Variants in DPP10 observed in about 807,000 individuals in gnomAD.
The protein encoded by DPP10 is dipeptidyl peptidase like 10.
A neutral mutation model predicts 120.9 loss-of-function variants in DPP10; 33 were observed. The observed-to-expected ratio is 0.27, with a 90% CI of 0.21 to 0.37. The LOEUF (loss-of-function observed/expected upper bound fraction) is 0.37, where lower values mean the gene tolerates loss of function less well. DPP10 is among the 10% of genes least tolerant of loss of function. The probability of loss-of-function intolerance (pLI) is 1.00; values close to 1 mark genes in which losing one functional copy is unlikely to be tolerated. For missense variants in DPP10, 816 were observed against 942.8 expected (o/e 0.87, Z 1.76); for synonymous variants, 337 against 326.1 (o/e 1.03, Z -0.36).
intron 1 of DPP10, among the ~76,000 whole-genome samples, chr2:114,694,077 G>T (rs1010158197): frequency 2.0e-5 from 3 of 151,934 alleles, no homozygotes; most frequent in Non-Finnish European, 2.9e-5. Context: ...TCAGACAGTA[G>T]GGTAAGATAG....
At position 115,279,655 on chromosome 2, in the gene DPP10, CTTTTTTT is replaced by C. The variant is rs70941039; in HGVS notation, c.61-29563_61-29557del. ...TTTCTTTCTTTCTTTTTTTCTTCTT[CTTTTTTT>C]TTTTTTTTTTTTTTTTTTTTGGAGA... On this transcript the variant is annotated intron_variant, in intron 1 of 25. Transcript: ENST00000410059. Among the ~76,000 whole-genome samples the C allele has an allele frequency of 7.3e-4, 31 of 42,716 alleles. No individual in the cohort carries two copies. The East Asian group carries it at 0.021, about 29-fold the overall frequency. 28.0% of individuals were successfully genotyped at this position (42,716 alleles called of 152,430 possible).
chr2:115,378,851 C>T (rs1463271826), intron 3 of DPP10, among the ~76,000 whole-genome samples: 15 of 152,164 alleles, frequency 9.9e-5, no homozygotes, highest in African/African-American at 3.4e-4. Flanking sequence ...TGCTGGATTA[C>T]TTTTATTGAT....
At chr2:114,881,413 T>G (rs1335956496) in intron 1 of DPP10, among the ~76,000 whole-genome samples, 2 of 152,114 alleles carry the variant, frequency 1.3e-5, no homozygotes, top group African/African-American at 2.4e-5. Context: ...TTATCTACCA[T>G]TTACCTATCT....
chr2:115,378,097 T>G (rs1052510101), intron 3 of DPP10, among the ~76,000 whole-genome samples: 12 of 152,150 alleles, frequency 7.9e-5, no homozygotes, highest in African/African-American at 2.9e-4. Context: ...AAGAAAGTAA[T>G]TGGTAGCTTG....
At chr2:114,544,493 A>G (rs1687211384) in intron 1 of DPP10, among the ~76,000 whole-genome samples, 3 of 152,328 alleles carry the variant, frequency 2.0e-5, no homozygotes, top group African/African-American at 7.2e-5. Flanking sequence ...TTGGCTAAGG[A>G]TGCTTTAGGG....
chr2:115,266,617 T>G (rs1037128407), intron 1 of DPP10, among the ~76,000 whole-genome samples: 12 of 152,202 alleles, frequency 7.9e-5, no homozygotes. Context: ...GTATGTTGCG[T>G]TTATCCCATA....
intron 1 of DPP10, among the ~76,000 whole-genome samples, chr2:114,466,769 C>G (rs908146559): frequency 1.3e-5 from 2 of 152,126 alleles, no homozygotes; most frequent in Non-Finnish European, 2.9e-5. Context: ...CTTGGCAGGG[C>G]GCGATGGCTC....
intron 12 of DPP10, among the ~76,000 whole-genome samples, chr2:115,764,411 G>A (rs569509135): frequency 1.3e-4 from 19 of 151,846 alleles, no homozygotes; most frequent in African/African-American, 4.6e-4. Context: ...CTTGGTCAAT[G>A]TACAAAATAA....
intron 3 of DPP10, among the ~76,000 whole-genome samples, chr2:115,440,643 G>A (rs1015786989): frequency 6.6e-5 from 10 of 152,058 alleles, no homozygotes; most frequent in African/African-American, 2.4e-4. Flanking sequence ...GAAGGGGAGG[G>A]GGACTCAAAT....
At chr2:114,482,853 C>T (rs1468997930) in intron 1 of DPP10, among the ~76,000 whole-genome samples, 1 of 152,168 alleles carries the variant, frequency 6.6e-6, no homozygotes, top group Non-Finnish European at 1.5e-5. Flanking sequence ...ACCTCTTGCT[C>T]AGTCACCTGG....
At chr2:115,530,788 T>C (rs2148916665) in intron 5 of DPP10, among the ~76,000 whole-genome samples, 1 of 152,270 alleles carries the variant, frequency 6.6e-6, no homozygotes, top group Admixed American at 6.5e-5. Flanking sequence ...ACAAATTGTT[T>C]ATGCTGAGGC....
intron 21 of DPP10, 43 bp downstream of exon 21, chr2:115,815,772 A>G (rs763855706): frequency 1.9e-5 from 30 of 1,546,234 alleles, no homozygotes; most frequent in Non-Finnish European, 2.4e-5. Flanking sequence ...ATGCGTATCT[A>G]TGTTATGTAA....
rs1553444543 is a variant in DPP10, at chr2:114,460,169, A to ATATCTGTC, written c.60+17336_60+17337insGTCTATCT. Among the ~76,000 whole-genome samples the ATATCTGTC allele has an allele frequency of 8.8e-5, 13 of 148,516 alleles. No individual in the cohort carries two copies. The East Asian group carries it at 2.4e-3, about 27-fold the overall frequency. On this transcript the variant is annotated intron_variant, in intron 1 of 25. Transcript: ENST00000410059. The stretch of plus-strand genomic sequence containing the variant: ...ATAGCAACCGAATGCATTTGGGATG[A>ATATCTGTC]TATCTATCTATCTATCTATCTATCT...
At chr2:115,454,454 C>T (rs2073365285) in intron 3 of DPP10, among the ~76,000 whole-genome samples, 1 of 151,444 alleles carries the variant, frequency 6.6e-6, no homozygotes, top group African/African-American at 2.4e-5. Flanking sequence ...TAAGGTAATA[C>T]ATTATATTAA....
chr2:115,185,233 G>A (rs2105177535), intron 1 of DPP10, among the ~76,000 whole-genome samples: 1 of 107,110 alleles, frequency 9.3e-6, no homozygotes, highest in African/African-American at 3.2e-5. Context: ...AGTTAGAGAA[G>A]GTTTTTTGTT....
chr2:115,840,311 GTTTTTTGGTTTTTTTT>G (rs1559227624), intron 24 of DPP10, among the ~76,000 whole-genome samples: 1 of 33,242 alleles, frequency 3.0e-5, no homozygotes, highest in Non-Finnish European at 6.8e-5. Context: ...CAGATATAAG[GTTTTTTGGTTTTTTTT>G]TTTTTTTTTT....
intron 5 of DPP10, among the ~76,000 whole-genome samples, chr2:115,582,186 T>C (rs2082037536): frequency 6.6e-6 from 1 of 152,178 alleles, no homozygotes; most frequent in Non-Finnish European, 1.5e-5. Flanking sequence ...CCCTGATTTT[T>C]CCTTGTGGCA....
In DPP10 at chr2:115,781,191, A is replaced by G. The variant is rs546297317; in HGVS notation, c.1483+196A>G. Among the ~76,000 whole-genome samples, 18 of 152,004 alleles carry G rather than the reference A, an allele frequency of 1.2e-4. No individual in the cohort carries two copies. In the South Asian group the frequency reaches 3.1e-3, roughly 26 times the overall value. On this transcript the variant is annotated intron_variant, in intron 16 of 25. Coordinates refer to ENST00000410059, the MANE Select transcript of DPP10 (RefSeq NM_020868.6). ...TTTTGTATAGAAATAAAAAATGAGAATAAGTCAATAAACATGCACACATAA... is the reference window on the plus strand; with the variant it reads ...TTTTGTATAGAAATAAAAAATGAGAGTAAGTCAATAAACATGCACACATAA...
At chr2:114,896,292 G>A (rs1009658249) in intron 1 of DPP10, among the ~76,000 whole-genome samples, 1 of 152,130 alleles carries the variant, frequency 6.6e-6, no homozygotes, top group South Asian at 2.1e-4. Flanking sequence ...TAGCTTTATG[G>A]GGATGGCATT....
Sources: gnomAD v4.1 joint callset for allele counts (sites outside exome capture counted in the v4.1 genomes callset) on GRCh38, gnomAD v4.1.1 for gene constraint, MANE v1.5 for transcripts, NCBI Gene and HGNC (gene_info 2026-07-23, HGNC 2026-07-21) for gene names.